Variants in TNFRSF10B observed in about 807,000 individuals in gnomAD.
TNFRSF10B encodes the protein TNF receptor superfamily member 10b, also known as tumor necrosis factor receptor superfamily member 10B.
TNFRSF10B carries 35 observed loss-of-function variants against 41.4 expected under a neutral mutation model. That is an observed-to-expected ratio of 0.85 (90% CI 0.65 to 1.12). The LOEUF (loss-of-function observed/expected upper bound fraction) is 1.12, where lower values mean the gene tolerates loss of function less well. Ranked by LOEUF, TNFRSF10B falls within the 50% of genes most tolerant of loss-of-function variation. TNFRSF10B has a pLI of 0.00. For missense variants in TNFRSF10B, 584 were observed against 552.7 expected (o/e 1.06, Z -0.57); for synonymous variants, 230 against 215.5 (o/e 1.07, Z -0.59).
chr8:23,053,517 GGTAATT>G (rs1199562013), intron 1 of TNFRSF10B, among the ~76,000 whole-genome samples: 2 of 152,112 alleles, frequency 1.3e-5, no homozygotes, highest in Non-Finnish European at 2.9e-5. Context: ...GCTGTGGAAG[GGTAATT>G]GTAAAGACAA....
intron 1 of TNFRSF10B, among the ~76,000 whole-genome samples, chr8:23,043,973 C>G (rs538151504): frequency 6.6e-6 from 1 of 152,332 alleles, no homozygotes; most frequent in East Asian, 1.9e-4. Context: ...GAGCCACCAT[C>G]ACATATGCAG....
intron 1 of TNFRSF10B, among the ~76,000 whole-genome samples, chr8:23,063,379 C>G (rs1318626316): frequency 6.6e-6 from 1 of 151,570 alleles, no homozygotes; most frequent in Middle Eastern, 3.4e-3. Context: ...GTTTCCATTT[C>G]ATTTCATCTC....
intron 1 of TNFRSF10B, 50 bp from the exon 2 acceptor site, chr8:23,043,293 C>A: frequency 6.8e-7 from 1 of 1,463,030 alleles, no homozygotes; most frequent in Non-Finnish European, 9.5e-7. Flanking sequence ...GACCTCACCC[C>A]TCCCAGGATC....
chr8:23,042,444 C>G (rs192451294), intron 2 of TNFRSF10B, among the ~76,000 whole-genome samples: 4 of 152,320 alleles, frequency 2.6e-5, no homozygotes, highest in Admixed American at 2.6e-4. Flanking sequence ...GCGAACACAA[C>G]AGTCAAGCAC....
At chr8:23,046,454 C>T (rs1276984710) in intron 1 of TNFRSF10B, among the ~76,000 whole-genome samples, 1 of 151,908 alleles carries the variant, frequency 6.6e-6, no homozygotes, top group African/African-American at 2.4e-5. Context: ...GAAAGAGACA[C>T]AAATGCATGA....
At chr8:23,043,659 T>C (rs1261116531) in intron 1 of TNFRSF10B, among the ~76,000 whole-genome samples, 2 of 152,186 alleles carry the variant, frequency 1.3e-5, no homozygotes, top group African/African-American at 2.4e-5. Flanking sequence ...TTTTTATAAA[T>C]GGGGGTTATA....
intron 2 of TNFRSF10B, among the ~76,000 whole-genome samples, chr8:23,031,841 C>A (rs2128812686): frequency 6.6e-6 from 1 of 152,050 alleles, no homozygotes; most frequent in South Asian, 2.1e-4. Flanking sequence ...TATTTTACAG[C>A]ATTTTTTTCA....
intron 1 of TNFRSF10B, among the ~76,000 whole-genome samples, chr8:23,055,496 G>A (rs1297415404): frequency 7.2e-6 from 1 of 139,022 alleles, no homozygotes; most frequent in Non-Finnish European, 1.5e-5. Flanking sequence ...TACTAATCAA[G>A]TGCTTAAGTT....
intron 1 of TNFRSF10B, among the ~76,000 whole-genome samples, chr8:23,048,095 G>C (rs1474828129): frequency 6.6e-6 from 1 of 152,150 alleles, no homozygotes; most frequent in Admixed American, 6.5e-5. Flanking sequence ...AGTGAAATAA[G>C]TGAGGCACAA....
At chr8:23,068,515 A>C in intron 1 of TNFRSF10B, 2 of 603,558 alleles carry the variant, frequency 3.3e-6, no homozygotes, top group African/African-American at 1.9e-5. Context: ...CCCCCACTGG[A>C]TTCGGGAATT....
Position 23,040,289 on chromosome 8 carries a change from T to TTAAATATATATAATATATATTTAA in TNFRSF10B, c.250+2825_250+2848dup, listed in dbSNP as rs1563313894. Among the ~76,000 whole-genome samples, 19 of 65,542 alleles carry TTAAATATATATAATATATATTTAA rather than the reference T, an allele frequency of 2.9e-4. 4 individuals are homozygous for TTAAATATATATAATATATATTTAA. The highest frequency in any genetic ancestry group is 7.3e-5 in the Non-Finnish European group (2 of 27,268). The allele number at this position is 65,542 out of a possible 152,430, so 43.0% of individuals were successfully genotyped here. ...TAAATATATATATAATATATATTTA[T>TTAAATATATATAATATATATTTAA]TAAATATATATAATATATATTTAAT... On this transcript the variant is annotated intron_variant, in intron 2 of 8. Transcript: ENST00000276431.
At chr8:23,030,157 G>C (rs1255083322) in intron 3 of TNFRSF10B, among the ~76,000 whole-genome samples, 1 of 152,152 alleles carries the variant, frequency 6.6e-6, no homozygotes. Flanking sequence ...ACAGAGCCCA[G>C]GGGAGAGAGC....
At chr8:23,065,282 G>A (rs189549671) in intron 1 of TNFRSF10B, among the ~76,000 whole-genome samples, 5 of 152,190 alleles carry the variant, frequency 3.3e-5, no homozygotes, top group East Asian at 1.9e-4. Flanking sequence ...AGCTCACTGC[G>A]TAAGGACAGC....
chr8:23,062,928 T>A (rs930403976), intron 1 of TNFRSF10B, among the ~76,000 whole-genome samples: 8 of 152,250 alleles, frequency 5.3e-5, no homozygotes, highest in Non-Finnish European at 8.8e-5. Context: ...CATGTTCATA[T>A]GTTACAAACC....
chr8:23,024,102 G>A lies in TNFRSF10B; in HGVS notation c.1009+86C>T, dbSNP rs1048248000. On this transcript the variant is annotated intron_variant, in intron 8 of 8. Transcript: ENST00000276431. The stretch of plus-strand genomic sequence containing the variant: ...GCTTCCAGCATGGAATACTCTGGAA[G>A]AGCCCTCTGACCTCTGGGGACAGCA... 4.9e-5 allele frequency: 76 copies of A among 1,548,224 alleles called. No homozygotes were observed. In the Admixed American group the frequency reaches 1.2e-3, roughly 25 times the overall value.
At chr8:23,027,905 G>C (rs1811758608) in intron 5 of TNFRSF10B, 152 bp from the exon 6 acceptor site, 2 of 824,808 alleles carry the variant, frequency 2.4e-6, no homozygotes, top group Admixed American at 4.6e-5. Flanking sequence ...ACAACTCAGA[G>C]ACACCCTGAG....
chr8:23,023,409 G>A (rs1000178770), intron 8 of TNFRSF10B, among the ~76,000 whole-genome samples: 12 of 152,198 alleles, frequency 7.9e-5, no homozygotes, highest in Non-Finnish European at 4.4e-5. Flanking sequence ...GGAAAGCACA[G>A]GGCCTGGGAC....
chr8:23,062,373 C>T (rs368476604), intron 1 of TNFRSF10B, among the ~76,000 whole-genome samples: 2 of 152,108 alleles, frequency 1.3e-5, no homozygotes, highest in African/African-American at 4.8e-5. Context: ...GGTGTGCTCC[C>T]CCGGGCCAGG....
At chr8:23,029,864 T>G (rs898740232) in intron 3 of TNFRSF10B, 143 bp from the exon 4 acceptor site, 1 of 762,762 alleles carries the variant, frequency 1.3e-6, no homozygotes, top group Non-Finnish European at 2.3e-6. Context: ...AGCACACTCA[T>G]GGCTCATTCA....
Sources: allele counts gnomAD v4.1 joint callset (sites outside exome capture counted in the v4.1 genomes callset), GRCh38; gene constraint gnomAD v4.1.1; transcripts MANE v1.5; gene names NCBI Gene and HGNC (gene_info 2026-07-23, HGNC 2026-07-21).